SLC35F4: variants seen among roughly 807,000 people sequenced by gnomAD.
SLC35F4 encodes the protein chromosome 14 open reading frame 36.
SLC35F4 carries 24 observed loss-of-function variants against 44.2 expected under a neutral mutation model. The ratio of observed to expected loss-of-function variants is 0.54; its 90% CI spans 0.39 to 0.76. SLC35F4 has a LOEUF of 0.76. Ranked by LOEUF, SLC35F4 falls within the 30% of genes least tolerant of loss-of-function variation. The probability of loss-of-function intolerance (pLI) is 0.00; values close to 1 mark genes in which losing one functional copy is unlikely to be tolerated. For synonymous variants in SLC35F4, 238 were observed against 223.6 expected (o/e 1.06, Z -0.57); for missense variants, 562 against 586.1 (o/e 0.96, Z 0.42).
intron 1 of SLC35F4, among the ~76,000 whole-genome samples, chr14:57,629,026 C>T (rs10220456): frequency 6.8e-4 from 103 of 152,254 alleles, no homozygotes; most frequent in African/African-American, 2.4e-3. Context: ...ACAGCATTTA[C>T]CATCGGATAC....
intron 1 of SLC35F4, among the ~76,000 whole-genome samples, chr14:57,696,614 C>T (rs1448561244): frequency 6.6e-6 from 1 of 152,188 alleles, no homozygotes; most frequent in Non-Finnish European, 1.5e-5. Context: ...GACACATGCA[C>T]ATGTATGTTT....
At chr14:57,652,142 C>T (rs2073805693) in intron 1 of SLC35F4, among the ~76,000 whole-genome samples, 1 of 152,192 alleles carries the variant, frequency 6.6e-6, no homozygotes, top group Admixed American at 6.5e-5. Flanking sequence ...AACTTCATGT[C>T]TTAAGAAGTA....
At chr14:57,843,522 A>G (rs1213377481) in intron 1 of SLC35F4, among the ~76,000 whole-genome samples, 2 of 152,124 alleles carry the variant, frequency 1.3e-5, no homozygotes, top group African/African-American at 2.4e-5. Flanking sequence ...CCTCTTCCCT[A>G]ACTCAGCTTG....
intron 2 of SLC35F4, 28 bp downstream of exon 2, chr14:57,593,911 G>A (rs763885317): frequency 6.2e-6 from 10 of 1,609,168 alleles, no homozygotes; most frequent in Middle Eastern, 1.8e-4. Context: ...AGGATGTACC[G>A]TTATTTAAGA....
At chr14:57,647,111 G>A (rs192799985) in intron 1 of SLC35F4, among the ~76,000 whole-genome samples, 4 of 152,184 alleles carry the variant, frequency 2.6e-5, no homozygotes, top group Admixed American at 1.3e-4. Flanking sequence ...GACTTGGGGT[G>A]GAGAGTTCTG....
At chr14:57,764,155 T>C (rs113392755) in intron 1 of SLC35F4, among the ~76,000 whole-genome samples, 63 of 152,248 alleles carry the variant, frequency 4.1e-4, no homozygotes, top group African/African-American at 1.5e-3. Context: ...TCATGACAGA[T>C]TCCAAGCAAC....
In SLC35F4 at chr14:57,930,010, TA is replaced by T. The variant is rs1889664310; in HGVS notation, n.282+51902del. Among the ~76,000 whole-genome samples, 4 of 152,306 alleles carry T rather than the reference TA, an allele frequency of 2.6e-5. No homozygotes were observed. In the South Asian group the frequency reaches 8.3e-4, roughly 32 times the overall value. ...AGAGAGAGCATGTTTCATAAAGGGA[TA>T]GGGGAAGATTGGCCATATTTTTCAC... is the stretch of plus-strand genomic sequence containing the variant. On this transcript the variant is annotated intron_variant and non_coding_transcript_variant, in intron 1 of 1. Transcript: ENST00000556568.
intron 1 of SLC35F4, among the ~76,000 whole-genome samples, chr14:57,934,204 T>C (rs1407369278): frequency 6.6e-6 from 1 of 151,414 alleles, no homozygotes; most frequent in East Asian, 1.9e-4. Flanking sequence ...GAACAGTTGG[T>C]GATGTAGTGA....
intron 1 of SLC35F4, among the ~76,000 whole-genome samples, chr14:57,835,134 A>C (rs944042733): frequency 6.6e-5 from 10 of 152,250 alleles, no homozygotes; most frequent in African/African-American, 2.2e-4. Context: ...AAATAGAACC[A>C]GTGTTATTCA....
At chr14:57,725,690 T>C (rs2076184876) in intron 1 of SLC35F4, among the ~76,000 whole-genome samples, 2 of 152,170 alleles carry the variant, frequency 1.3e-5, no homozygotes, top group Non-Finnish European at 2.9e-5. Context: ...AGTGGAATGA[T>C]CTTTTGAAGT....
intron 1 of SLC35F4, among the ~76,000 whole-genome samples, chr14:57,659,558 T>C (rs1407022651): frequency 6.6e-6 from 1 of 152,122 alleles, no homozygotes; most frequent in Non-Finnish European, 1.5e-5. Context: ...ACTTTATAGA[T>C]GAGGAAACCA....
At chr14:57,969,539 C>G (rs1419561966) in intron 1 of SLC35F4, among the ~76,000 whole-genome samples, 1 of 152,106 alleles carries the variant, frequency 6.6e-6, no homozygotes, top group Non-Finnish European at 1.5e-5. Flanking sequence ...TCTGTCTATT[C>G]TCTATACATA....
intron 1 of SLC35F4, among the ~76,000 whole-genome samples, chr14:57,671,232 T>C (rs2074511229): frequency 6.6e-6 from 1 of 152,072 alleles, no homozygotes; most frequent in Non-Finnish European, 1.5e-5. Context: ...GCCTCACCCA[T>C]GCACAGAATG....
intron 1 of SLC35F4, among the ~76,000 whole-genome samples, chr14:57,660,758 C>G (rs931392579): frequency 5.9e-5 from 9 of 152,042 alleles, no homozygotes; most frequent in South Asian, 2.1e-4. Context: ...GAAACTGAAG[C>G]CTCTCACCAA....
At chr14:57,618,289 AGACT>A (rs2071969387) in intron 1 of SLC35F4, among the ~76,000 whole-genome samples, 1 of 152,236 alleles carries the variant, frequency 6.6e-6, no homozygotes, top group African/African-American at 2.4e-5. Context: ...GCTCCCAGCA[AGACT>A]GACGCAGAAG....
chr14:57,698,641 A>AT (rs2075448429), intron 1 of SLC35F4, among the ~76,000 whole-genome samples: 1 of 121,778 alleles, frequency 8.2e-6, no homozygotes, highest in Non-Finnish European at 1.8e-5. Flanking sequence ...TAAACATGTC[A>AT]CTTTTTTTTT....
intron 1 of SLC35F4, among the ~76,000 whole-genome samples, chr14:57,884,147 G>A (rs924164939): frequency 7.2e-5 from 11 of 152,122 alleles, no homozygotes; most frequent in Non-Finnish European, 1.2e-4. Flanking sequence ...AATATTGACA[G>A]ATTCTGAATG....
chr14:57,945,438 A>AGT (rs1890006688), intron 1 of SLC35F4, among the ~76,000 whole-genome samples: 1 of 75,448 alleles, frequency 1.3e-5, no homozygotes, highest in East Asian at 9.3e-4. Context: ...GAGCAATGAT[A>AGT]ATGTGTGTGT....
chr14:57,982,169 A>G (rs971647553), upstream of SLC35F4: 1 of 152,158 alleles, frequency 6.6e-6, no homozygotes, highest in Non-Finnish European at 1.5e-5. Context: ...GAGACATTTT[A>G]AAGGGCAGAT....
Sources: allele counts gnomAD v4.1 joint callset (sites outside exome capture counted in the v4.1 genomes callset), GRCh38; gene constraint gnomAD v4.1.1; transcripts MANE v1.5; gene names NCBI Gene and HGNC (gene_info 2026-07-23, HGNC 2026-07-21).